SLC12A8: variants seen among roughly 807,000 people sequenced by gnomAD.
SLC12A8 encodes the protein solute carrier family 12 member 8, also known as cation-chloride cotransporter 9.
A neutral mutation model predicts 75.6 loss-of-function variants in SLC12A8; 69 were observed. That is an observed-to-expected ratio of 0.91 (90% CI 0.75 to 1.11). SLC12A8 has a LOEUF of 1.11. SLC12A8 is among the 50% of genes most tolerant of loss of function. SLC12A8 has a pLI of 0.00. For synonymous variants in SLC12A8, 365 were observed against 372.8 expected (o/e 0.98, Z 0.24); for missense variants, 877 against 896.7 (o/e 0.98, Z 0.28).
chr3:125,183,360 A>G (rs1934706063), intron 4 of SLC12A8, among the ~76,000 whole-genome samples: 1 of 152,064 alleles, frequency 6.6e-6, no homozygotes, highest in African/African-American at 2.4e-5. Flanking sequence ...ATTCCTTCTC[A>G]CAAGACACAG....
intron 8 of SLC12A8, among the ~76,000 whole-genome samples, chr3:125,115,467 G>A (rs1195276497): frequency 6.6e-6 from 1 of 151,964 alleles, no homozygotes; most frequent in South Asian, 2.1e-4. Context: ...AGGTTGCAGT[G>A]AGCTGAGATC....
At chr3:125,100,814 C>T (rs1938853969) in intron 10 of SLC12A8, among the ~76,000 whole-genome samples, 1 of 147,532 alleles carries the variant, frequency 6.8e-6, no homozygotes. Context: ...GAGATCGAGA[C>T]CATCCTGGCT....
intron 2 of SLC12A8, among the ~76,000 whole-genome samples, chr3:125,194,787 C>T (rs1275108817): frequency 6.6e-6 from 1 of 152,258 alleles, no homozygotes; most frequent in Non-Finnish European, 1.5e-5. Context: ...ACTGGTTCCA[C>T]CTGGATTACA....
intron 10 of SLC12A8, among the ~76,000 whole-genome samples, chr3:125,098,966 G>C (rs1235730717): frequency 6.6e-6 from 1 of 152,198 alleles, no homozygotes; most frequent in Non-Finnish European, 1.5e-5. Context: ...CTGGAAATGA[G>C]AGCACCATAG....
Position 125,187,386 on chromosome 3 carries a change from C to T in SLC12A8, c.241G>A (p.Val81Ile), listed in dbSNP as rs568692026. 26 of 1,614,154 alleles carry T rather than the reference C, an allele frequency of 1.6e-5. No individual in the cohort carries two copies. The highest frequency in any genetic ancestry group is 5.3e-5 in the African/African-American group (4 of 75,034). The change falls in exon 4 of 14, where the codon GTC becomes ATC. Residue 81 changes from valine to isoleucine, a missense_variant. By Grantham distance (29) the Val-to-Ile change is conservative. Coordinates refer to ENST00000469902, the MANE Select transcript of SLC12A8 (RefSeq NM_024628.6). ...VLLGMFLVSF[V>I]ILVALVTVLS... ...ACCGTGACGAGGGCCACCAGGATGA[C>T]GAAGGACACCAGGAACATGCCCAGG...
intron 6 of SLC12A8, among the ~76,000 whole-genome samples, chr3:125,132,649 C>T (rs1460067525): frequency 3.3e-5 from 5 of 152,040 alleles, no homozygotes; most frequent in African/African-American, 1.2e-4. Context: ...CTTGTTCGGT[C>T]CAAGATACCC....
At position 125,142,592 on chromosome 3, in the gene SLC12A8, C is replaced by T. The variant is rs527242135; in HGVS notation, c.623-6810G>A. On this transcript the variant is annotated intron_variant, in intron 5 of 13. Transcript: ENST00000469902. ...GGAATCAGGAACCAGGGTTCGGGCC[C>T]TGGTTATGCGAGGACTCACTGTGGG... 7.2e-5 allele frequency among the ~76,000 whole-genome samples: 11 copies of T among 152,336 alleles called. No homozygotes were observed. In the East Asian group the frequency reaches 1.9e-3, roughly 27 times the overall value.
At chr3:125,121,027 G>T (rs1250327515) in intron 6 of SLC12A8, 11 of 615,884 alleles carry the variant, frequency 1.8e-5, no homozygotes, top group Non-Finnish European at 2.9e-5. Context: ...CTGGGACAAT[G>T]CCCTGGAGAG....
chr3:125,181,829 G>C (rs951352063), intron 4 of SLC12A8, among the ~76,000 whole-genome samples: 4 of 151,744 alleles, frequency 2.6e-5, no homozygotes, highest in Non-Finnish European at 5.9e-5. Context: ...TGATTACAAA[G>C]AAAAGAGAAA....
chr3:125,211,096 C>T (rs932241392), intron 2 of SLC12A8, among the ~76,000 whole-genome samples: 5 of 152,134 alleles, frequency 3.3e-5, no homozygotes, highest in African/African-American at 1.2e-4. Context: ...ACAAATAATG[C>T]CAAAGGTTTT....
chr3:125,137,064 G>T (rs1296227350), intron 5 of SLC12A8, among the ~76,000 whole-genome samples: 2 of 152,114 alleles, frequency 1.3e-5, no homozygotes, highest in Non-Finnish European at 2.9e-5. Context: ...CAACCCTAGG[G>T]TTTCAGGGAC....
At chr3:125,094,092 C>A (rs1477186593) in intron 10 of SLC12A8, among the ~76,000 whole-genome samples, 1 of 152,160 alleles carries the variant, frequency 6.6e-6, no homozygotes, top group African/African-American at 2.4e-5. Flanking sequence ...GCTGCACTTG[C>A]GGTGTGTCAT....
chr3:125,209,306 C>T (rs1560087927), intron 2 of SLC12A8, among the ~76,000 whole-genome samples: 1 of 152,222 alleles, frequency 6.6e-6, no homozygotes, highest in African/African-American at 2.4e-5. Context: ...TACAGTGCTA[C>T]AGTTATTCTT....
chr3:125,170,863 C>G (rs972308348), intron 5 of SLC12A8, among the ~76,000 whole-genome samples: 1 of 151,988 alleles, frequency 6.6e-6, no homozygotes, highest in Admixed American at 6.6e-5. Context: ...TGCAGTGAGC[C>G]GAGATCACGC....
intron 2 of SLC12A8, among the ~76,000 whole-genome samples, chr3:125,209,421 A>G (rs1333922819): frequency 6.6e-6 from 1 of 152,202 alleles, no homozygotes; most frequent in Non-Finnish European, 1.5e-5. Flanking sequence ...ACTAATTGGT[A>G]GCTATTATCA....
intron 3 of SLC12A8, among the ~76,000 whole-genome samples, chr3:125,187,642 A>G (rs866807197): frequency 1.3e-5 from 2 of 152,138 alleles, no homozygotes; most frequent in Admixed American, 6.5e-5. Context: ...TCCTGGCTGC[A>G]AATTCTTCAA....
intron 4 of SLC12A8, among the ~76,000 whole-genome samples, chr3:125,178,372 T>A (rs116785220): frequency 6.0e-4 from 91 of 152,278 alleles, no homozygotes; most frequent in African/African-American, 2.1e-3. Context: ...AAAAGGACAC[T>A]GCAGTAAACC....
At position 125,110,410 on chromosome 3, in the gene SLC12A8, A is replaced by G. The variant is rs1939159451; in HGVS notation, c.913-75T>C. 2.1e-6 allele frequency: 3 copies of G among 1,451,094 alleles called. No homozygotes were observed. The Admixed American group carries it at 5.9e-5, about 29-fold the overall frequency. 89.9% of individuals were successfully genotyped at this position (1,451,094 alleles called of 1,614,324 possible). A position where few individuals can be genotyped will look rare whatever the true frequency, so the allele number is the denominator to read the frequency against. On this transcript the variant is annotated intron_variant, in intron 8 of 13. Coordinates refer to ENST00000469902, the MANE Select transcript of SLC12A8 (RefSeq NM_024628.6). ...CTTTCTACCCCCCCAGCACCCACCC[A>G]CCTGCACCCCATGCAATCATCCACT...
intron 5 of SLC12A8, among the ~76,000 whole-genome samples, chr3:125,165,922 A>G (rs1934276444): frequency 1.3e-5 from 2 of 152,190 alleles, no homozygotes; most frequent in Non-Finnish European, 2.9e-5. Flanking sequence ...CTGGGTAAAG[A>G]ATATTGATTT....
Sources: allele counts gnomAD v4.1 joint callset (sites outside exome capture counted in the v4.1 genomes callset), GRCh38; gene constraint gnomAD v4.1.1; transcripts MANE v1.5; gene names NCBI Gene and HGNC (gene_info 2026-07-23, HGNC 2026-07-21).